The following RASGRF1 variants were observed in gnomAD, a reference collection of about 807,000 sequenced individuals.
The protein encoded by RASGRF1 is ras-specific guanine nucleotide-releasing factor 1.
In RASGRF1, 40 loss-of-function variants were observed where a neutral mutation model predicts 138.7. The observed-to-expected ratio is 0.29, with a 90% CI of 0.22 to 0.38. The LOEUF is 0.38. Among genes scored for constraint, RASGRF1 ranks in the 10% least tolerant of loss-of-function variants. RASGRF1 has a pLI of 1.00. For missense variants in RASGRF1, 1,108 were observed against 1,650.4 expected, an observed-to-expected ratio of 0.67 and a Z score of 5.69; for synonymous variants, 614 against 663.2, an observed-to-expected ratio of 0.93 and a Z score of 1.14.
At chr15:79,012,125 G>C (rs2056807786) in intron 13 of RASGRF1, among the ~76,000 whole-genome samples, 1 of 152,024 alleles carries the variant, frequency 6.6e-6, no homozygotes, top group Non-Finnish European at 1.5e-5. Context: ...AGTGTACCTG[G>C]AGGCCACAAT....
At chr15:78,972,398 TG>T (rs1049404649) in intron 25 of RASGRF1, among the ~76,000 whole-genome samples, 2 of 151,572 alleles carry the variant, frequency 1.3e-5, no homozygotes, top group Non-Finnish European at 2.9e-5. Flanking sequence ...CCCGGCCTCA[TG>T]TTTTTTTTCT....
chr15:78,998,793 CCTT>C lies in RASGRF1; in HGVS notation c.2776_2778del (p.Lys926del). ...GTGGCTGCTCTGCGGATCACAAACT[CCTT>C]GTCTCCATTCCTCTGGTCTGGGGGA... is the stretch of plus-strand genomic sequence containing the variant. On this transcript the variant is annotated inframe_deletion, in exon 18 of 27. Transcript: ENST00000558480. The C allele has an allele frequency of 6.2e-7, 1 of 1,614,122 alleles. No homozygotes were observed. The highest frequency in any genetic ancestry group is 1.1e-5 in the South Asian group (1 of 91,076).
intron 3 of RASGRF1, among the ~76,000 whole-genome samples, chr15:79,054,658 A>AT (rs1409069024): frequency 6.6e-6 from 1 of 152,134 alleles, no homozygotes; most frequent in African/African-American, 2.4e-5. Flanking sequence ...TCACTGGAGG[A>AT]TTTTGGGGAG....
At chr15:79,066,900 C>T (rs189207667) in intron 1 of RASGRF1, among the ~76,000 whole-genome samples, 347 of 152,266 alleles carry the variant, frequency 2.3e-3, no homozygotes, top group African/African-American at 7.9e-3. Flanking sequence ...CAGAGGCTTT[C>T]CCCACTCCCT....
At chr15:79,078,898 C>T (rs1327580732) in intron 1 of RASGRF1, among the ~76,000 whole-genome samples, 2 of 152,264 alleles carry the variant, frequency 1.3e-5, no homozygotes, top group African/African-American at 2.4e-5. Flanking sequence ...AGAGACTGAC[C>T]TCCTGGGTGC....
Position 78,990,202 on chromosome 15 carries a change from T to G in RASGRF1, c.3203A>C (p.Lys1068Thr), listed in dbSNP as rs755264239. Residue 1068 changes from lysine (K) to threonine (T), a missense_variant, in exon 22 of 27, where the codon AAG (lysine) becomes ACG (threonine). Lys to Thr is a moderately conservative substitution (Grantham distance 78, BLOSUM62 -1). Coordinates refer to ENST00000558480, the MANE Select transcript of RASGRF1 (RefSeq NM_001145648.3). ...ATCCATACTCACGTCATTGAAGTGC[T>G]TAGTGGTTTTCATGATATAAGGGGT... ...ERTPYIMKTT[K>T]HFNDISNLIA... is the part of the protein sequence containing the mutation. 4.4e-6 allele frequency: 7 copies of G among 1,600,404 alleles called. No individual in the cohort carries two copies. In the South Asian group the frequency reaches 7.7e-5, roughly 18 times the overall value.
At chr15:78,972,429 A>T (rs2055782181) in intron 25 of RASGRF1, among the ~76,000 whole-genome samples, 2 of 151,340 alleles carry the variant, frequency 1.3e-5, no homozygotes, top group Non-Finnish European at 2.9e-5. Flanking sequence ...TTTAAACAGA[A>T]ATCTGCTTCC....
intron 13 of RASGRF1, chr15:79,012,382 T>C: frequency 1.2e-6 from 1 of 844,010 alleles, no homozygotes; most frequent in South Asian, 1.5e-5. Flanking sequence ...CTCGCCTGGA[T>C]TACACAGATT....
chr15:79,028,281 G>C (rs113955051), intron 8 of RASGRF1, among the ~76,000 whole-genome samples: 1 of 152,214 alleles, frequency 6.6e-6, no homozygotes, highest in Non-Finnish European at 1.5e-5. Flanking sequence ...CCCATCCCAA[G>C]AGCAAAGCTC....
At chr15:79,043,876 G>A (rs1283370098) in intron 5 of RASGRF1, among the ~76,000 whole-genome samples, 2 of 152,200 alleles carry the variant, frequency 1.3e-5, no homozygotes, top group African/African-American at 2.4e-5. Context: ...CCTCTTTGAT[G>A]TTTCTGACAA....
intron 5 of RASGRF1, among the ~76,000 whole-genome samples, chr15:79,038,662 C>G (rs558721062): frequency 6.6e-5 from 10 of 152,076 alleles, no homozygotes; most frequent in African/African-American, 2.4e-4. Context: ...AGTGTATAGT[C>G]TGACATCTAT....
chr15:79,075,849 A>C (rs1439242111), intron 1 of RASGRF1, among the ~76,000 whole-genome samples: 1 of 152,158 alleles, frequency 6.6e-6, no homozygotes, highest in African/African-American at 2.4e-5. Context: ...CATCTCTCTG[A>C]GCCCTGGTTC....
At chr15:79,049,117 G>A (rs1189917595) in intron 4 of RASGRF1, among the ~76,000 whole-genome samples, 2 of 152,246 alleles carry the variant, frequency 1.3e-5, no homozygotes, top group Admixed American at 6.5e-5. Flanking sequence ...CAGTGGGGGT[G>A]GCATGCCAGG....
At chr15:79,019,887 G>A (rs1423171642) in intron 11 of RASGRF1, among the ~76,000 whole-genome samples, 154 bp downstream of exon 11, 1 of 152,140 alleles carries the variant, frequency 6.6e-6, no homozygotes, top group Non-Finnish European at 1.5e-5. Context: ...GGACTGAACA[G>A]GGTGTGTGCA....
intron 5 of RASGRF1, among the ~76,000 whole-genome samples, chr15:79,036,068 C>T (rs1251518823): frequency 7.9e-5 from 12 of 152,352 alleles, no homozygotes; most frequent in Admixed American, 7.8e-4. Flanking sequence ...CAGCTGGTCC[C>T]AGAACACAGT....
intron 11 of RASGRF1, among the ~76,000 whole-genome samples, chr15:79,018,196 G>A (rs918083334): frequency 6.6e-6 from 1 of 152,240 alleles, no homozygotes; most frequent in Non-Finnish European, 1.5e-5. Context: ...CAATGGAGGT[G>A]AGGTCACGGG....
intron 5 of RASGRF1, among the ~76,000 whole-genome samples, chr15:79,036,496 C>A (rs2057224269): frequency 6.6e-6 from 1 of 152,186 alleles, no homozygotes; most frequent in African/African-American, 2.4e-5. Flanking sequence ...GGGTGCTGGC[C>A]CTTCTCCCAG....
In RASGRF1 at chr15:79,012,564, TG is replaced by T. The variant is rs774315670; in HGVS notation, c.1826+2762del. Reference sequence around the variant, plus strand: ...ACCAGGCTTTAGATTGGTAAGCAGATGGGTCCTTGAAGTTGTAAGTTTAATC... The same window carrying T: ...ACCAGGCTTTAGATTGGTAAGCAGATGGTCCTTGAAGTTGTAAGTTTAATC... On this transcript the variant is annotated intron_variant, in intron 13 of 26. Coordinates refer to ENST00000558480, the MANE Select transcript of RASGRF1 (RefSeq NM_001145648.3). 8 of 1,613,874 alleles carry T rather than the reference TG, an allele frequency of 5.0e-6. No individual in the cohort carries two copies. The Admixed American group carries it at 1.3e-4, about 27-fold the overall frequency.
Position 79,032,564 on chromosome 15 carries a change from C to T in RASGRF1, c.959-248G>A, listed in dbSNP as rs1357281884. On this transcript the variant is annotated intron_variant, in intron 6 of 26. Transcript: ENST00000558480. The surrounding 1 kb of genome is among the most constrained non-coding windows in gnomAD (Gnocchi z 4.5). Reference sequence around the variant, plus strand: ...TTAGAGACGTGGGGCCCTGTCTAGTCGACACTTGTGATGGGAGTGTCAGAG... The same window carrying T: ...TTAGAGACGTGGGGCCCTGTCTAGTTGACACTTGTGATGGGAGTGTCAGAG... Among the ~76,000 whole-genome samples the T allele has an allele frequency of 3.3e-5, 5 of 152,082 alleles. No individual in the cohort carries two copies. Among genetic ancestry groups the T allele is most frequent in the Middle Eastern group, 3.2e-3 (1 of 316 alleles).
Sources: gnomAD v4.1 joint callset for allele counts (sites outside exome capture counted in the v4.1 genomes callset) on GRCh38, gnomAD v4.1.1 for gene constraint, Gnocchi (gnomAD v3.1) non-coding constraint, MANE v1.5 for transcripts, NCBI Gene and HGNC (gene_info 2026-07-23, HGNC 2026-07-21) for gene names.